DAB1: variants seen among roughly 807,000 people sequenced by gnomAD.
DAB1 encodes DAB adaptor protein 1, also known as disabled homolog 1.
A neutral mutation model predicts 64.6 loss-of-function variants in DAB1; 15 were observed. The ratio of observed to expected loss-of-function variants is 0.23; its 90% CI spans 0.16 to 0.36. The LOEUF (loss-of-function observed/expected upper bound fraction) is 0.36, where lower values mean the gene tolerates loss of function less well. DAB1 is among the 10% of genes least tolerant of loss of function. DAB1 has a pLI of 1.00. For synonymous variants in DAB1, 235 were observed against 251.9 expected, an observed-to-expected ratio of 0.93 and a Z score of 0.64; for missense variants, 596 against 706.7, an observed-to-expected ratio of 0.84 and a Z score of 1.78.
chr1:57,336,683 T>C (rs1343740446), intron 1 of DAB1, among the ~76,000 whole-genome samples: 5 of 152,174 alleles, frequency 3.3e-5, no homozygotes, highest in Non-Finnish European at 7.3e-5. Flanking sequence ...GGCTTTTGAG[T>C]CTGGGCTCTT....
At chr1:57,013,728 TATC>T (rs1646336245) in intron 12 of DAB1, among the ~76,000 whole-genome samples, 2 of 152,196 alleles carry the variant, frequency 1.3e-5, no homozygotes, top group African/African-American at 4.8e-5. Context: ...TCTTTCCTCT[TATC>T]AGGTGTCAAG....
At chr1:57,463,714 A>G (rs929670836) in intron 7 of DAB1, among the ~76,000 whole-genome samples, 23 of 152,004 alleles carry the variant, frequency 1.5e-4, no homozygotes, top group African/African-American at 5.1e-4. Context: ...ATTGTATTCC[A>G]CTCCACTCTA....
chr1:58,151,893 A>G (rs12741609), intron 4 of DAB1, among the ~76,000 whole-genome samples: 10,280 of 152,250 alleles, frequency 0.068, 396 homozygotes, highest in Admixed American at 0.088. Context: ...GAAAACAACC[A>G]ACTCTGTGGG....
intron 6 of DAB1, among the ~76,000 whole-genome samples, chr1:57,725,726 T>C (rs532678329): frequency 6.6e-6 from 1 of 152,180 alleles, no homozygotes; most frequent in South Asian, 2.1e-4. Flanking sequence ...TACATCTAGC[T>C]GAAGAAATTC....
intron 6 of DAB1, among the ~76,000 whole-genome samples, chr1:57,752,511 CT>C (rs1648604140): frequency 6.6e-6 from 1 of 152,186 alleles, no homozygotes; most frequent in Non-Finnish European, 1.5e-5. Context: ...GAATTATTCT[CT>C]GTTCATAAAA....
At chr1:57,981,125 T>C (rs965155117) in intron 5 of DAB1, among the ~76,000 whole-genome samples, 3 of 152,122 alleles carry the variant, frequency 2.0e-5, no homozygotes, top group African/African-American at 7.2e-5. Flanking sequence ...ACTTATATTA[T>C]CTTAGGTACA....
At chr1:58,082,442 A>G (rs1044140437) in intron 5 of DAB1, among the ~76,000 whole-genome samples, 2 of 152,106 alleles carry the variant, frequency 1.3e-5, no homozygotes, top group Admixed American at 1.3e-4. Flanking sequence ...AAAGACAAAA[A>G]TAAACAAAAT....
chr1:57,719,486 T>C (rs1647125942), intron 6 of DAB1, among the ~76,000 whole-genome samples: 1 of 152,250 alleles, frequency 6.6e-6, no homozygotes, highest in Admixed American at 6.5e-5. Context: ...AATTTCATTT[T>C]GAATTGTCAT....
intron 1 of DAB1, chr1:57,875,338 T>A (rs993813676): frequency 8.5e-5 from 13 of 152,298 alleles, no homozygotes; most frequent in African/African-American, 3.1e-4. Flanking sequence ...ATGCTCTTTT[T>A]CAGCTTATAG....
At chr1:57,548,706 C>G (rs563908009) in intron 7 of DAB1, among the ~76,000 whole-genome samples, 1 of 152,252 alleles carries the variant, frequency 6.6e-6, no homozygotes, top group African/African-American at 2.4e-5. Flanking sequence ...AGTGCTGGAG[C>G]CTGGCATACT....
chr1:57,558,887 G>T (rs558614901), intron 7 of DAB1, among the ~76,000 whole-genome samples: 1 of 152,282 alleles, frequency 6.6e-6, no homozygotes, highest in South Asian at 2.1e-4. Context: ...AGCTGGGAGG[G>T]TCCAGAAGAT....
intron 4 of DAB1, among the ~76,000 whole-genome samples, chr1:57,085,814 T>C (rs1653017062): frequency 1.3e-5 from 2 of 152,098 alleles, no homozygotes; most frequent in Non-Finnish European, 2.9e-5. Context: ...TCAGTAATGA[T>C]TCACGGAGTG....
At chr1:57,530,787 G>A in intron 7 of DAB1, among the ~76,000 whole-genome samples, 1 of 152,118 alleles carries the variant, frequency 6.6e-6, no homozygotes, top group East Asian at 1.9e-4. Flanking sequence ...CTTTTCAAAT[G>A]TTTAGTGTGC....
chr1:57,124,928 C>G (rs1204731977), intron 4 of DAB1, among the ~76,000 whole-genome samples: 3 of 151,908 alleles, frequency 2.0e-5, no homozygotes, highest in Non-Finnish European at 4.4e-5. Context: ...GAATGCCTGT[C>G]CCTCCCACCC....
At chr1:57,477,076 C>G in intron 7 of DAB1, among the ~76,000 whole-genome samples, 1 of 152,288 alleles carries the variant, frequency 6.6e-6, no homozygotes, top group South Asian at 2.1e-4. Context: ...AAAGCCTAAT[C>G]AAGGCTTCAC....
chr1:57,691,522 C>A (rs1008978664), intron 6 of DAB1, among the ~76,000 whole-genome samples: 7 of 152,244 alleles, frequency 4.6e-5, no homozygotes, highest in African/African-American at 1.7e-4. Context: ...CACAATAAAT[C>A]TTGCTACTGA....
chr1:57,487,818 A>G (rs895710588), intron 7 of DAB1, among the ~76,000 whole-genome samples: 1 of 152,226 alleles, frequency 6.6e-6, no homozygotes, highest in Non-Finnish European at 1.5e-5. Flanking sequence ...TATGGGACGC[A>G]TGACTGTATA....
chr1:58,501,043 C>T (rs1001763086), intron 3 of DAB1, among the ~76,000 whole-genome samples: 2 of 151,974 alleles, frequency 1.3e-5, no homozygotes, highest in African/African-American at 4.8e-5. Flanking sequence ...ATTTTTTCAC[C>T]CAAGTTGTTA....
intron 3 of DAB1, among the ~76,000 whole-genome samples, chr1:57,143,397 G>A (rs17420873): frequency 0.027 from 4,168 of 152,094 alleles, 284 homozygotes; most frequent in Admixed American, 0.17. Context: ...GGAGAAGAAA[G>A]CTCATCATTG....
Sources: allele counts gnomAD v4.1 joint callset (sites outside exome capture counted in the v4.1 genomes callset), GRCh38; gene constraint gnomAD v4.1.1; transcripts MANE v1.5; gene names NCBI Gene and HGNC (gene_info 2026-07-23, HGNC 2026-07-21).